Variants in ZNF536 observed in about 807,000 individuals in gnomAD.
ZNF536 encodes the protein zinc finger protein 536.
A neutral mutation model predicts 84.5 loss-of-function variants in ZNF536; 13 were observed. The observed-to-expected ratio is 0.15, with a 90% CI of 0.10 to 0.24. The LOEUF (loss-of-function observed/expected upper bound fraction) is 0.24, where lower values mean the gene tolerates loss of function less well. Ranked by LOEUF, ZNF536 falls within the 10% of genes least tolerant of loss-of-function variation. ZNF536 has a pLI of 1.00. For missense variants in ZNF536, 1,536 were observed against 1,747.5 expected (o/e 0.88, Z 2.16); for synonymous variants, 811 against 742.5 (o/e 1.09, Z -1.50).
chr19:30,556,170 T>C (rs2045958160), intron 4 of ZNF536: 1 of 152,244 alleles, frequency 6.6e-6, no homozygotes, highest in African/African-American at 2.4e-5. Flanking sequence ...CTGCTCTCAT[T>C]TGTACTGTGT....
chr19:30,629,049 G>A (rs2048793208), intron 1 of ZNF536, among the ~76,000 whole-genome samples: 1 of 152,190 alleles, frequency 6.6e-6, no homozygotes, highest in Non-Finnish European at 1.5e-5. Context: ...ACCTGTGGGA[G>A]GGAGAGGAGA....
chr19:30,404,216 A>C (rs2050172832), intron 1 of ZNF536, among the ~76,000 whole-genome samples: 1 of 152,188 alleles, frequency 6.6e-6, no homozygotes, highest in African/African-American at 2.4e-5. Flanking sequence ...AAAGGGGGCC[A>C]TCCTGCCTTC....
At chr19:30,250,642 A>T (rs1349307752) in intron 1 of ZNF536, among the ~76,000 whole-genome samples, 1 of 152,150 alleles carries the variant, frequency 6.6e-6, no homozygotes, top group Non-Finnish European at 1.5e-5. Context: ...GAAGTCGCTG[A>T]GCTTTGGAAT....
chr19:30,463,012 ATG>A (rs1224216439), intron 2 of ZNF536, among the ~76,000 whole-genome samples: 1 of 139,216 alleles, frequency 7.2e-6, no homozygotes, highest in African/African-American at 2.6e-5. Context: ...GTGGATAAGG[ATG>A]TGTGTGTTGA....
intron 3 of ZNF536, among the ~76,000 whole-genome samples, chr19:30,547,232 T>G (rs1000690293): frequency 1.3e-5 from 2 of 152,214 alleles, no homozygotes; most frequent in Admixed American, 1.3e-4. Flanking sequence ...TTAAGTTTTA[T>G]TGACTGCTTT....
At chr19:30,676,708 C>T (rs758549171) in intron 1 of ZNF536, among the ~76,000 whole-genome samples, 1 of 152,002 alleles carries the variant, frequency 6.6e-6, no homozygotes, top group African/African-American at 2.4e-5. Flanking sequence ...AATAATGGAG[C>T]CTTAGAGAAT....
chr19:30,528,857 C>T (rs1162389933), intron 2 of ZNF536, among the ~76,000 whole-genome samples: 1 of 151,724 alleles, frequency 6.6e-6, no homozygotes, highest in Non-Finnish European at 1.5e-5. Flanking sequence ...TTCTTCTCGC[C>T]TCTTTAAGAC....
chr19:30,558,322 G>C (rs1488176121), downstream of ZNF536, among the ~76,000 whole-genome samples: 4 of 152,130 alleles, frequency 2.6e-5, no homozygotes, highest in Non-Finnish European at 5.9e-5. Context: ...CAGGCGACAC[G>C]GGCCCGTTTC....
At chr19:30,262,740 G>C (rs1204849997) in intron 1 of ZNF536, among the ~76,000 whole-genome samples, 1 of 152,146 alleles carries the variant, frequency 6.6e-6, no homozygotes, top group Non-Finnish European at 1.5e-5. Flanking sequence ...GGGACATAGG[G>C]GGACCTCACC....
intron 2 of ZNF536, among the ~76,000 whole-genome samples, chr19:30,503,965 T>C: frequency 6.6e-6 from 1 of 152,170 alleles, no homozygotes; most frequent in African/African-American, 2.4e-5. Context: ...GGAAAAAGTC[T>C]ATATTTTTAT....
At chr19:30,379,974 G>A (rs1432132178) in intron 1 of ZNF536, among the ~76,000 whole-genome samples, 3 of 152,176 alleles carry the variant, frequency 2.0e-5, no homozygotes. Context: ...ATCCAGAGGG[G>A]TAAAAATTTG....
intron 2 of ZNF536, among the ~76,000 whole-genome samples, chr19:30,464,519 G>A (rs1014524599): frequency 1.1e-4 from 16 of 152,098 alleles, no homozygotes; most frequent in African/African-American, 2.7e-4. Context: ...TGGGTTAGGG[G>A]AGTCATGAAT....
intron 1 of ZNF536, among the ~76,000 whole-genome samples, chr19:30,567,086 A>T (rs2046379674): frequency 6.6e-6 from 1 of 152,194 alleles, no homozygotes; most frequent in Admixed American, 6.5e-5. Context: ...GTGGCCACTC[A>T]GCTGCCTCAC....
rs2148206702 is a variant in ZNF536 at position 30,444,984 on chromosome 19, C to T, written c.1422C>T (p.Ser474=). Residue 474 remains serine (S), a synonymous_variant, in exon 2 of 5, where the codon TCC becomes TCT. Transcript: ENST00000355537. ...EALGKLLSPI[S]SMAHGVPEGD... Reference sequence around the variant, plus strand: ...TGGGGAAGCTGCTGTCTCCCATCTCCAGCATGGCCCACGGCGTCCCGGAGG... The same window carrying T: ...TGGGGAAGCTGCTGTCTCCCATCTCTAGCATGGCCCACGGCGTCCCGGAGG... 1 of 1,611,392 alleles carries T rather than the reference C, an allele frequency of 6.2e-7. No homozygotes were observed. Among genetic ancestry groups the T allele is most frequent in the Non-Finnish European group, 8.5e-7 (1 of 1,178,820 alleles).
chr19:30,459,304 T>C (rs2053021556), intron 2 of ZNF536, among the ~76,000 whole-genome samples: 1 of 151,684 alleles, frequency 6.6e-6, no homozygotes, highest in African/African-American at 2.4e-5. Context: ...CTTTCTTTCT[T>C]TCTTTTCCTT....
chr19:30,546,192 G>A (rs779264684), intron 3 of ZNF536, among the ~76,000 whole-genome samples: 1 of 152,216 alleles, frequency 6.6e-6, no homozygotes, highest in Non-Finnish European at 1.5e-5. Context: ...CTACATAGCA[G>A]TAGCTCAATG....
chr19:30,431,013 C>G (rs775197240), intron 1 of ZNF536, among the ~76,000 whole-genome samples: 1 of 152,196 alleles, frequency 6.6e-6, no homozygotes, highest in Non-Finnish European at 1.5e-5. Context: ...TAGGTTGAAG[C>G]AAGATGAACT....
chr19:30,573,971 C>T (rs1402949876), intron 1 of ZNF536, among the ~76,000 whole-genome samples: 1 of 152,164 alleles, frequency 6.6e-6, no homozygotes, highest in East Asian at 1.9e-4. Context: ...TCCAAAATCC[C>T]AGTTTTTGTC....
rs1464854722 is a variant in ZNF536, at chr19:30,467,846, C to T, written c.2170+22114C>T. Among the ~76,000 whole-genome samples, 5 of 152,362 alleles carry T rather than the reference C, an allele frequency of 3.3e-5. No homozygotes were observed. In the East Asian group the frequency reaches 9.6e-4, roughly 29 times the overall value. ...ACTGTGTACCCTGAGGGGGTCACAG[C>T]CCTTTCCACAGCACCTGGAGCAGAG... On this transcript the variant is annotated intron_variant, in intron 2 of 4. Coordinates refer to ENST00000355537, the MANE Select transcript of ZNF536 (RefSeq NM_014717.3).
Sources: gnomAD v4.1 joint callset for allele counts (sites outside exome capture counted in the v4.1 genomes callset) on GRCh38, gnomAD v4.1.1 for gene constraint, MANE v1.5 for transcripts, NCBI Gene and HGNC (gene_info 2026-07-23, HGNC 2026-07-21) for gene names.